The following DNER variants were observed in gnomAD, a reference collection of about 807,000 sequenced individuals.
The protein encoded by DNER is delta and Notch-like epidermal growth factor-related receptor.
In DNER, 33 loss-of-function variants were observed where a neutral mutation model predicts 78.2. That is an observed-to-expected ratio of 0.42 (90% CI 0.32 to 0.56). The LOEUF (loss-of-function observed/expected upper bound fraction) is 0.56. Among genes scored for constraint, DNER ranks in the 20% least tolerant of loss-of-function variants. DNER has a pLI of 0.11. For missense variants in DNER, 918 were observed against 975.3 expected, an observed-to-expected ratio of 0.94 and a Z score of 0.78; for synonymous variants, 417 against 384.8, an observed-to-expected ratio of 1.08 and a Z score of -0.98.
intron 4 of DNER, among the ~76,000 whole-genome samples, chr2:229,572,875 G>A (rs1285372945): frequency 6.6e-6 from 1 of 152,172 alleles, no homozygotes; most frequent in Non-Finnish European, 1.5e-5. Context: ...TAGGACATGA[G>A]ACAACAAGAT....
chr2:229,367,287 G>A (rs1022799866), intron 11 of DNER, among the ~76,000 whole-genome samples, 168 bp from the exon 12 acceptor site: 1 of 152,086 alleles, frequency 6.6e-6, no homozygotes, highest in Non-Finnish European at 1.5e-5. Context: ...TACTACATAA[G>A]GACTTCTTAA....
At chr2:229,393,384 C>T (rs1279809444) in intron 10 of DNER, among the ~76,000 whole-genome samples, 1 of 151,828 alleles carries the variant, frequency 6.6e-6, no homozygotes, top group Non-Finnish European at 1.5e-5. Context: ...TGAGATCACG[C>T]CACTGTACTC....
At chr2:229,564,030 C>A (rs1697039418) in intron 4 of DNER, among the ~76,000 whole-genome samples, 1 of 148,202 alleles carries the variant, frequency 6.7e-6, no homozygotes. Flanking sequence ...ATCCTCACCC[C>A]ATCACCATCA....
chr2:229,529,198 T>A (rs75147711), intron 5 of DNER, among the ~76,000 whole-genome samples: 49 of 147,292 alleles, frequency 3.3e-4, no homozygotes, highest in African/African-American at 9.9e-4. Flanking sequence ...CATAATATCT[T>A]TTTTTTTTTA....
intron 4 of DNER, among the ~76,000 whole-genome samples, chr2:229,583,038 A>C (rs952447101): frequency 1.3e-5 from 2 of 152,220 alleles, no homozygotes; most frequent in African/African-American, 4.8e-5. Context: ...AATGAGCTCA[A>C]AATATGTACG....
chr2:229,559,401 A>G (rs1004650513), intron 4 of DNER, among the ~76,000 whole-genome samples: 6 of 152,218 alleles, frequency 3.9e-5, no homozygotes, highest in African/African-American at 1.4e-4. Flanking sequence ...GACCATCATC[A>G]TACTAGAAAA....
At chr2:229,423,991 C>A (rs13398165) in intron 8 of DNER, among the ~76,000 whole-genome samples, 1 of 152,138 alleles carries the variant, frequency 6.6e-6, no homozygotes, top group South Asian at 2.1e-4. Context: ...AGTCTGCAAA[C>A]GCAGTATTCA....
At chr2:229,561,087 T>C (rs1276343747) in intron 4 of DNER, among the ~76,000 whole-genome samples, 3 of 152,202 alleles carry the variant, frequency 2.0e-5, no homozygotes, top group African/African-American at 7.2e-5. Flanking sequence ...CACGTTTAGA[T>C]GCTTAAAAGA....
At chr2:229,475,212 A>C (rs764315678) in intron 7 of DNER, among the ~76,000 whole-genome samples, 16 of 152,144 alleles carry the variant, frequency 1.1e-4, no homozygotes, top group Non-Finnish European at 1.9e-4. Flanking sequence ...GTATAAAATC[A>C]CATGCCCATG....
intron 1 of DNER, among the ~76,000 whole-genome samples, chr2:229,697,873 G>T (rs574259605): frequency 6.6e-6 from 1 of 152,286 alleles, no homozygotes; most frequent in East Asian, 1.9e-4. Context: ...TGAGGAAGGA[G>T]TTTTCAAGGC....
At chr2:229,657,179 G>A (rs1009428412) in intron 1 of DNER, among the ~76,000 whole-genome samples, 1 of 142,014 alleles carries the variant, frequency 7.0e-6, no homozygotes, top group Non-Finnish European at 1.5e-5. Context: ...CCACTGTTCT[G>A]CTTTCTGCTT....
At chr2:229,427,726 T>C (rs1386011962) in intron 8 of DNER, among the ~76,000 whole-genome samples, 1 of 152,072 alleles carries the variant, frequency 6.6e-6, no homozygotes, top group Non-Finnish European at 1.5e-5. Context: ...GACCACGGCT[T>C]GTGATTTGTT....
At chr2:229,449,031 T>C (rs2106362920) in intron 7 of DNER, among the ~76,000 whole-genome samples, 1 of 152,322 alleles carries the variant, frequency 6.6e-6, no homozygotes, top group African/African-American at 2.4e-5. Flanking sequence ...TATTTCTCTG[T>C]GCAGTATAGA....
At chr2:229,414,568 G>A (rs1010504205) in intron 9 of DNER, among the ~76,000 whole-genome samples, 3 of 152,182 alleles carry the variant, frequency 2.0e-5, no homozygotes, top group Admixed American at 6.5e-5. Flanking sequence ...GGAGTGAAAT[G>A]TTTAACACAC....
chr2:229,553,893 C>A (rs1431246744), intron 4 of DNER, among the ~76,000 whole-genome samples: 1 of 152,164 alleles, frequency 6.6e-6, no homozygotes, highest in Non-Finnish European at 1.5e-5. Context: ...GAAGACACGG[C>A]TATGACTTTA....
chr2:229,474,414 T>C (rs756648154), intron 7 of DNER, among the ~76,000 whole-genome samples: 6 of 152,204 alleles, frequency 3.9e-5, no homozygotes, highest in Admixed American at 6.5e-5. Flanking sequence ...TCAGGCTTCA[T>C]TGAAGATAAA....
intron 8 of DNER, among the ~76,000 whole-genome samples, chr2:229,427,263 T>C (rs998604398): frequency 1.3e-5 from 2 of 152,206 alleles, no homozygotes; most frequent in African/African-American, 4.8e-5. Context: ...CACCATGAGT[T>C]TATATTCTCC....
intron 5 of DNER, among the ~76,000 whole-genome samples, chr2:229,515,594 A>G (rs570394709): frequency 6.6e-6 from 1 of 152,232 alleles, no homozygotes; most frequent in Non-Finnish European, 1.5e-5. Flanking sequence ...GCTTATGGAA[A>G]TAAATTATTG....
At chr2:229,534,591 G>A (rs1696370032) in intron 5 of DNER, among the ~76,000 whole-genome samples, 1 of 152,198 alleles carries the variant, frequency 6.6e-6, no homozygotes, top group Non-Finnish European at 1.5e-5. Context: ...TATTGAGGCT[G>A]TATTTTCTTC....
Sources: gnomAD v4.1 joint callset for allele counts (sites outside exome capture counted in the v4.1 genomes callset) on GRCh38, gnomAD v4.1.1 for gene constraint, MANE v1.5 for transcripts, NCBI Gene and HGNC (gene_info 2026-07-23, HGNC 2026-07-21) for gene names.